Variants in SLC24A2 observed in about 807,000 individuals in gnomAD.
The protein encoded by SLC24A2 is solute carrier family 24 member 2, also known as sodium/potassium/calcium exchanger 2.
In SLC24A2, 36 loss-of-function variants were observed where a neutral mutation model predicts 62.0. That is an observed-to-expected ratio of 0.58 (90% confidence interval 0.44 to 0.77). SLC24A2 has a LOEUF of 0.77. Among genes scored for constraint, SLC24A2 ranks in the 30% least tolerant of loss-of-function variants. The pLI is 0.00. For missense variants in SLC24A2, 846 were observed against 817.9 expected, an observed-to-expected ratio of 1.03 and a Z score of -0.42; for synonymous variants, 358 against 294.0, an observed-to-expected ratio of 1.22 and a Z score of -2.23.
At chr9:19,633,569 A>G (rs912093365) in intron 2 of SLC24A2, among the ~76,000 whole-genome samples, 3 of 152,166 alleles carry the variant, frequency 2.0e-5, no homozygotes, top group Non-Finnish European at 4.4e-5. Flanking sequence ...GTGTCTCACT[A>G]TGTTGCCCAG....
the SLC24A2 span, among the ~76,000 whole-genome samples, chr9:20,175,670 A>T: frequency 6.6e-6 from 1 of 152,066 alleles, no homozygotes; most frequent in African/African-American, 2.4e-5. Context: ...AAAGCAAACA[A>T]ACAAATATTA....
the SLC24A2 span, among the ~76,000 whole-genome samples, chr9:20,036,820 G>GCA: frequency 6.6e-6 from 1 of 151,456 alleles, no homozygotes; most frequent in African/African-American, 2.4e-5. Flanking sequence ...TATAACCTAT[G>GCA]CACACACATA....
At chr9:19,741,964 T>C (rs1483392527) in intron 2 of SLC24A2, among the ~76,000 whole-genome samples, 3 of 152,200 alleles carry the variant, frequency 2.0e-5, no homozygotes, top group Admixed American at 1.3e-4. Flanking sequence ...AATAATGTAG[T>C]TAGTATAGTA....
At chr9:20,136,307 T>C in the SLC24A2 span, among the ~76,000 whole-genome samples, 14 of 152,138 alleles carry the variant, frequency 9.2e-5, no homozygotes, top group African/African-American at 3.1e-4. Context: ...GTTTTCAGCC[T>C]ATCTGCCAAA....
At chr9:20,236,972 G>C in the SLC24A2 span, among the ~76,000 whole-genome samples, 4 of 151,874 alleles carry the variant, frequency 2.6e-5, no homozygotes, top group South Asian at 2.1e-4. Flanking sequence ...GATGGAGGGG[G>C]TGGGGACAGA....
Position 19,786,842 on chromosome 9 carries a change from T to G in SLC24A2, c.25A>C (p.Ile9Leu). The change falls in exon 2 of 11, where the codon ATC (isoleucine) becomes CTC (leucine). Residue 9 changes from isoleucine to leucine, a missense_variant. Ile to Leu is a conservative substitution (Grantham distance 5). Transcript: ENST00000341998. The surrounding 1 kb of genome is among the most constrained non-coding windows in gnomAD (Gnocchi z 5.0). ...AAACACCATTTCTCTAGGGAAGTGA[T>G]GGTGGTGCTTTGTTGCAGATCCATC... MDLQQSTTITSLEKWCLDE... is the reference protein window; with the variant it reads MDLQQSTTLTSLEKWCLDE... 4 of 1,611,858 alleles carry G rather than the reference T, an allele frequency of 2.5e-6. No homozygotes were observed. The highest frequency in any genetic ancestry group is 3.4e-6 in the Non-Finnish European group (4 of 1,179,940).
intron 4 of SLC24A2, among the ~76,000 whole-genome samples, chr9:19,607,978 G>T (rs1837039509): frequency 6.6e-6 from 1 of 152,156 alleles, no homozygotes; most frequent in Non-Finnish European, 1.5e-5. Context: ...ATTCCCTAAA[G>T]AGAGGAGCTA....
At chr9:20,063,094 G>C in the SLC24A2 span, among the ~76,000 whole-genome samples, 1 of 106,450 alleles carries the variant, frequency 9.4e-6, no homozygotes, top group African/African-American at 4.1e-5. Flanking sequence ...CGATTCCTCA[G>C]GGATCTAGAA....
At position 19,706,669 on chromosome 9, in the gene SLC24A2, C is replaced by A. The variant is rs573124626; in HGVS notation, c.930+79268G>T. ...CTGGGATTACAGGCGTGAGCCACCGCGCCCGGCCGGGTCTTGATTCTTTAT... is the reference window on the plus strand; with the variant it reads ...CTGGGATTACAGGCGTGAGCCACCGAGCCCGGCCGGGTCTTGATTCTTTAT... On this transcript the variant is annotated intron_variant, in intron 2 of 10. Transcript: ENST00000341998. 6.6e-5 allele frequency among the ~76,000 whole-genome samples: 10 copies of A among 152,190 alleles called. No homozygotes were observed. The East Asian group carries it at 1.9e-3, about 29-fold the overall frequency.
At chr9:20,160,285 T>C in the SLC24A2 span, among the ~76,000 whole-genome samples, 4 of 151,444 alleles carry the variant, frequency 2.6e-5, no homozygotes, top group Non-Finnish European at 5.9e-5. Flanking sequence ...TGTAAACACC[T>C]GTGTAAAGAA....
chr9:19,902,323 G>C, the SLC24A2 span, among the ~76,000 whole-genome samples: 51 of 152,118 alleles, frequency 3.4e-4, no homozygotes, highest in African/African-American at 1.1e-3. Context: ...TAGTTTACAA[G>C]ACTGAGTAAG....
At chr9:20,306,124 T>C in the SLC24A2 span, among the ~76,000 whole-genome samples, 1 of 152,200 alleles carries the variant, frequency 6.6e-6, no homozygotes, top group Non-Finnish European at 1.5e-5. Flanking sequence ...ATGAATTGGA[T>C]AGGGACACAA....
chr9:20,006,370 A>G, the SLC24A2 span, among the ~76,000 whole-genome samples: 1 of 151,992 alleles, frequency 6.6e-6, no homozygotes, highest in Non-Finnish European at 1.5e-5. Context: ...GGTACAAAAT[A>G]TAACTAGATA....
the SLC24A2 span, among the ~76,000 whole-genome samples, chr9:20,219,203 G>C: frequency 1.3e-5 from 2 of 152,182 alleles, no homozygotes; most frequent in Admixed American, 6.5e-5. Flanking sequence ...CAGAGGCTGT[G>C]GAGAAGGCTG....
At chr9:19,781,068 T>C (rs1283538340) in intron 2 of SLC24A2, among the ~76,000 whole-genome samples, 2 of 152,056 alleles carry the variant, frequency 1.3e-5, no homozygotes, top group East Asian at 1.9e-4. Context: ...ATAAACAAAG[T>C]AAACTTTCCG....
At chr9:19,523,197 T>C (rs1436688400) in intron 9 of SLC24A2, among the ~76,000 whole-genome samples, 1 of 152,176 alleles carries the variant, frequency 6.6e-6, no homozygotes, top group Admixed American at 6.5e-5. Flanking sequence ...AATGCTACTA[T>C]ATACAGGAAA....
chr9:19,711,707 T>C (rs62565885), intron 2 of SLC24A2, among the ~76,000 whole-genome samples: 6,949 of 152,344 alleles, frequency 0.046, 191 homozygotes, highest in Middle Eastern at 0.16. Context: ...ATTCTGAATA[T>C]ACTTTCTTCT....
At position 19,548,263 on chromosome 9, in the gene SLC24A2, A is replaced by AT. The variant is rs542775976; in HGVS notation, c.1479+1873dup. ...TCTATTCCAAGTGCTTTTAGAAATG[A>AT]TTTTTTTTAAATGATTTTTTTTTCT... On this transcript the variant is annotated intron_variant, in intron 8 of 10. Coordinates refer to ENST00000341998, the MANE Select transcript of SLC24A2 (RefSeq NM_020344.4). Among the ~76,000 whole-genome samples the AT allele has an allele frequency of 9.5e-5, 14 of 147,490 alleles. No individual in the cohort carries two copies. In the East Asian group the frequency reaches 1.9e-3, roughly 20 times the overall value.
At chr9:19,766,170 A>G (rs1387588454) in intron 2 of SLC24A2, among the ~76,000 whole-genome samples, 2 of 152,148 alleles carry the variant, frequency 1.3e-5, no homozygotes, top group Non-Finnish European at 2.9e-5. Context: ...TCTTCTCTAA[A>G]GTGGTTATTC....
Sources: allele counts gnomAD v4.1 joint callset (sites outside exome capture counted in the v4.1 genomes callset), GRCh38; gene constraint gnomAD v4.1.1; non-coding constraint Gnocchi (gnomAD v3.1); transcripts MANE v1.5; gene names NCBI Gene and HGNC (gene_info 2026-07-23, HGNC 2026-07-21).